The following ABCA5 variants were observed in gnomAD, a reference collection of about 807,000 sequenced individuals.
ABCA5 encodes the protein ATP binding cassette subfamily A member 5.
Under a neutral mutation model 206.0 loss-of-function variants are expected in ABCA5, and 163 were observed. That is an observed-to-expected ratio of 0.79 (90% confidence interval 0.70 to 0.90). The LOEUF (loss-of-function observed/expected upper bound fraction) is 0.90. ABCA5 is among the 40% of genes least tolerant of loss of function. The pLI, the probability that ABCA5 is intolerant of heterozygous loss-of-function variation, is 0.00. For missense variants in ABCA5, 1,859 were observed against 1,912.9 expected, an observed-to-expected ratio of 0.97 and a Z score of 0.53; for synonymous variants, 609 against 613.8, an observed-to-expected ratio of 0.99 and a Z score of 0.11.
intron 22 of ABCA5, 116 bp downstream of exon 22, chr17:69,270,497 T>C: frequency 1.0e-6 from 1 of 979,256 alleles, no homozygotes; most frequent in African/African-American, 1.7e-5. Context: ...TTTTAAGAAG[T>C]CTAAGAGATC....
Position 69,313,204 on chromosome 17 carries a change from T to C in ABCA5, c.195A>G (p.Glu65=). ...GAGTAAACTTGTCCATAGGATTGAGTTCTATATTAGGCACTTCTTCATATT... is the reference window on the plus strand; with the variant it reads ...GAGTAAACTTGTCCATAGGATTGAGCTCTATATTAGGCACTTCTTCATATT... ...NKKYEEVPNI[E]LNPMDKFTLS... The change falls in exon 3 of 39, where the codon GAA becomes GAG. Residue 65 remains glutamate (E), a synonymous_variant. Coordinates refer to ENST00000392676, the MANE Select transcript of ABCA5 (RefSeq NM_172232.4). 1 of 1,576,478 alleles carries C rather than the reference T, an allele frequency of 6.3e-7. No homozygotes were observed. Among genetic ancestry groups the C allele is most frequent in the Non-Finnish European group, 8.7e-7 (1 of 1,146,814 alleles).
At chr17:69,303,248 G>A (rs1289196739) in intron 7 of ABCA5, among the ~76,000 whole-genome samples, 1 of 152,090 alleles carries the variant, frequency 6.6e-6, no homozygotes, top group East Asian at 1.9e-4. Flanking sequence ...CTCCCGTGTA[G>A]CTGGGATTAC....
At chr17:69,255,132 G>T (rs566615009) in intron 31 of ABCA5, among the ~76,000 whole-genome samples, 1 of 152,252 alleles carries the variant, frequency 6.6e-6, no homozygotes, top group Middle Eastern at 3.4e-3. Flanking sequence ...AAGTAAGCAA[G>T]GGGAGAGAAG....
chr17:69,275,603 T>G (rs1345286280), intron 19 of ABCA5, among the ~76,000 whole-genome samples: 2 of 152,248 alleles, frequency 1.3e-5, no homozygotes, highest in Non-Finnish European at 2.9e-5. Context: ...AGGAATTTCT[T>G]TACCAGAGAA....
At chr17:69,264,364 T>G (rs1045429720) in intron 24 of ABCA5, among the ~76,000 whole-genome samples, 3 of 152,192 alleles carry the variant, frequency 2.0e-5, no homozygotes. Flanking sequence ...AGAGAAATGT[T>G]AAGCTATATT....
rs576859403 is a variant in ABCA5 at position 69,245,969 on chromosome 17, G to A, written c.*1568C>T. On this transcript the variant is annotated 3_prime_UTR_variant, in exon 39 of 39. Transcript: ENST00000392676. ...CTTTTACTAAACTTAAGTATTCAAG[G>A]TTACACATAATTACAAAAGCACATC... The A allele has an allele frequency of 1.3e-5, 2 of 151,774 alleles. No individual in the cohort carries two copies. The highest frequency in any genetic ancestry group is 6.6e-5 in the Admixed American group (1 of 15,240). 9.4% of individuals were successfully genotyped at this position (151,774 alleles called of 1,614,324 possible). A position where few individuals can be genotyped will look rare whatever the true frequency, so the allele number is the denominator to read the frequency against.
At chr17:69,322,805 TAG>T (rs1049300387) in intron 1 of ABCA5, among the ~76,000 whole-genome samples, 1 of 151,994 alleles carries the variant, frequency 6.6e-6, no homozygotes, top group African/African-American at 2.4e-5. Flanking sequence ...ATTATTTTCA[TAG>T]AGACCTGATT....
At chr17:69,309,485 A>C (rs1255103080) in intron 3 of ABCA5, 62 bp from the exon 4 acceptor site, 8 of 1,148,566 alleles carry the variant, frequency 7.0e-6, no homozygotes, top group Non-Finnish European at 9.5e-6. Flanking sequence ...ACAGTAGATC[A>C]AGTTTACAAT....
At chr17:69,295,220 G>A (rs891240877) in intron 10 of ABCA5, among the ~76,000 whole-genome samples, 1 of 152,070 alleles carries the variant, frequency 6.6e-6, no homozygotes, top group Admixed American at 6.6e-5. Flanking sequence ...ACAGGTAACC[G>A]CACCCACAGA....
chr17:69,316,936 G>A (rs1358639778), intron 1 of ABCA5: 1 of 152,134 alleles, frequency 6.6e-6, no homozygotes. Context: ...CCACTCCTAG[G>A]TATACACCCA....
chr17:69,311,494 G>GT (rs1555585645), intron 3 of ABCA5, among the ~76,000 whole-genome samples: 5 of 151,750 alleles, frequency 3.3e-5, no homozygotes, highest in South Asian at 4.2e-4. Flanking sequence ...TTTTTGTTTT[G>GT]TTTTTTGTTT....
intron 24 of ABCA5, among the ~76,000 whole-genome samples, chr17:69,263,932 G>A (rs551683930): frequency 3.1e-4 from 47 of 151,982 alleles, no homozygotes; most frequent in Admixed American, 1.2e-3. Flanking sequence ...TCTTGACCTC[G>A]TGATCCACCC....
chr17:69,302,770 A>T lies in ABCA5; in HGVS notation c.1067T>A (p.Val356Glu), dbSNP rs139637578. 6.8e-5 allele frequency: 108 copies of T among 1,599,462 alleles called. No homozygotes were observed. The highest frequency in any genetic ancestry group is 1.3e-4 in the Admixed American group (7 of 55,298). Reference protein sequence around the residue: ...ILIESFPKSLVWLFSPFCHCT... With the variant: ...ILIESFPKSLEWLFSPFCHCT... ...GTGACAGAAAGGACTGAAAAGCCAC[A>T]CTAACGATTTGGGAAAACTTTCTAT... Residue 356 changes from valine to glutamate, a missense_variant, in exon 8 of 39, where the codon GTG becomes GAG. By Grantham distance (121) the Val-to-Glu change is moderately radical. Coordinates refer to ENST00000392676, the MANE Select transcript of ABCA5 (RefSeq NM_172232.4).
chr17:69,307,336 T>C (rs990601490), intron 5 of ABCA5, among the ~76,000 whole-genome samples: 2 of 152,070 alleles, frequency 1.3e-5, no homozygotes, highest in African/African-American at 4.8e-5. Flanking sequence ...ATTCCTATGA[T>C]TGTTTAAAAA....
Position 69,260,474 on chromosome 17 carries a change from GA to G in ABCA5, c.3565-63del, listed in dbSNP as rs1367309457. On this transcript the variant is annotated intron_variant, in intron 26 of 38. Transcript: ENST00000392676. The stretch of plus-strand genomic sequence containing the variant: ...TATGTAGAAATATTTGGATTAAAAT[GA>G]AAAAATGTATTTTGTTTAGCAAACG... 1.1e-5 allele frequency: 12 copies of G among 1,122,658 alleles called. No homozygotes were observed. The East Asian group carries it at 2.7e-4, about 25-fold the overall frequency. The allele number at this position is 1,122,658 out of a possible 1,614,324, so 69.5% of individuals were successfully genotyped here.
chr17:69,297,020 A>C (rs918427805), intron 10 of ABCA5, among the ~76,000 whole-genome samples, 171 bp downstream of exon 10: 7 of 152,284 alleles, frequency 4.6e-5, no homozygotes, highest in Non-Finnish European at 8.8e-5. Flanking sequence ...CTTTATTCTA[A>C]ATGGTTGCAA....
chr17:69,272,779 CAGAA>C (rs1289247729), intron 20 of ABCA5, among the ~76,000 whole-genome samples: 1 of 152,000 alleles, frequency 6.6e-6, no homozygotes, highest in African/African-American at 2.4e-5. Context: ...ACATCTTTAC[CAGAA>C]AGAATGAAGG....
At chr17:69,311,333 C>G (rs1019379101) in intron 3 of ABCA5, among the ~76,000 whole-genome samples, 2 of 152,110 alleles carry the variant, frequency 1.3e-5, no homozygotes, top group Admixed American at 6.5e-5. Context: ...AGTTCAACAT[C>G]CTACCAGTCA....
rs1567780905 is a variant in ABCA5 at position 69,308,371 on chromosome 17, A to AC, written c.470-4_470-3insG. ...CTCACATGATTTTGAACAGCCAGCTATGGGGGGAAGAATATGAGATCTAAG... is the reference window on the plus strand; with the variant it reads ...CTCACATGATTTTGAACAGCCAGCTACTGGGGGGAAGAATATGAGATCTAAG... On this transcript the variant is annotated splice_polypyrimidine_tract_variant and splice_region_variant and intron_variant, in intron 4 of 38. Coordinates refer to ENST00000392676, the MANE Select transcript of ABCA5 (RefSeq NM_172232.4). 6.2e-7 allele frequency: 1 copy of AC among 1,605,510 alleles called. No individual in the cohort carries two copies. The highest frequency in any genetic ancestry group is 1.7e-5 in the Admixed American group (1 of 59,858).
Sources: gnomAD v4.1 joint callset for allele counts (sites outside exome capture counted in the v4.1 genomes callset) on GRCh38, gnomAD v4.1.1 for gene constraint, MANE v1.5 for transcripts, NCBI Gene and HGNC (gene_info 2026-07-23, HGNC 2026-07-21) for gene names.